The following KCNQ3 variants were observed in gnomAD, a reference collection of about 807,000 sequenced individuals.
KCNQ3 encodes potassium voltage-gated channel subfamily KQT member 3.
A neutral mutation model predicts 92.5 loss-of-function variants in KCNQ3; 30 were observed. The observed-to-expected ratio is 0.32, with a 90% CI of 0.24 to 0.44. The LOEUF (loss-of-function observed/expected upper bound fraction) is 0.44. Ranked by LOEUF, KCNQ3 falls within the 20% of genes least tolerant of loss-of-function variation. The pLI is 1.00. For synonymous variants in KCNQ3, 450 were observed against 468.8 expected (o/e 0.96, Z 0.52); for missense variants, 913 against 1,140.3 (o/e 0.80, Z 2.87).
chr8:132,277,986 A>T, intron 1 of KCNQ3: 4 of 985,378 alleles, frequency 4.1e-6, no homozygotes, highest in Non-Finnish European at 4.8e-6. Context: ...CCCACAGGAC[A>T]GAAGGGATCA....
intron 1 of KCNQ3, among the ~76,000 whole-genome samples, chr8:132,204,968 T>TC (rs1813610277): frequency 6.6e-6 from 1 of 152,166 alleles, no homozygotes; most frequent in African/African-American, 2.4e-5. Context: ...CTACAGAGCA[T>TC]CTTACATGCA....
chr8:132,134,640 T>G (rs1250659520), intron 12 of KCNQ3, among the ~76,000 whole-genome samples: 1 of 151,730 alleles, frequency 6.6e-6, no homozygotes, highest in African/African-American at 2.4e-5. Flanking sequence ...ACCTATAACC[T>G]CGGTATATTC....
At chr8:132,469,035 T>A (rs1441339826) in intron 1 of KCNQ3, among the ~76,000 whole-genome samples, 1 of 152,214 alleles carries the variant, frequency 6.6e-6, no homozygotes, top group Non-Finnish European at 1.5e-5. Flanking sequence ...TTGATGTGCA[T>A]CCTGTGACAT....
chr8:132,341,405 C>A (rs1818524777), intron 1 of KCNQ3, among the ~76,000 whole-genome samples: 1 of 152,196 alleles, frequency 6.6e-6, no homozygotes, highest in Non-Finnish European at 1.5e-5. Flanking sequence ...TCTGGGCCTT[C>A]TCCTCTTCAC....
At chr8:132,392,408 G>A (rs186304380) in intron 1 of KCNQ3, among the ~76,000 whole-genome samples, 134 of 151,710 alleles carry the variant, frequency 8.8e-4, no homozygotes, top group African/African-American at 3.0e-3. Flanking sequence ...AATCTTCCCC[G>A]GCCACACCAG....
At position 132,434,103 on chromosome 8, in the gene KCNQ3, G is replaced by A. The variant is rs1821322647; in HGVS notation, c.386+46044C>T. On this transcript the variant is annotated intron_variant, in intron 1 of 14. Coordinates refer to ENST00000388996, the MANE Select transcript of KCNQ3 (RefSeq NM_004519.4). ...GGCGCCTGTATTCCCAGCTACTTGG[G>A]AGGCTGAGGCAGGAGAATGGCGTGA... 2.7e-5 allele frequency among the ~76,000 whole-genome samples: 4 copies of A among 149,772 alleles called. No homozygotes were observed. In the South Asian group the frequency reaches 8.4e-4, roughly 31 times the overall value.
intron 3 of KCNQ3, 84 bp from the exon 4 acceptor site, chr8:132,180,413 G>T: frequency 1.4e-6 from 2 of 1,476,174 alleles, no homozygotes; most frequent in Non-Finnish European, 1.9e-6. Flanking sequence ...GGTGCTGTTT[G>T]CTGGCAGATC....
At chr8:132,386,575 T>C (rs776523579) in intron 1 of KCNQ3, among the ~76,000 whole-genome samples, 43 of 152,136 alleles carry the variant, frequency 2.8e-4, no homozygotes, top group Non-Finnish European at 5.3e-4. Context: ...TTAATCATCC[T>C]TTTAAACTAT....
At chr8:132,187,145 C>G (rs1826996600) in intron 1 of KCNQ3, 1 of 456,038 alleles carries the variant, frequency 2.2e-6, no homozygotes, top group Non-Finnish European at 4.4e-6. Context: ...AGTACATACT[C>G]TAAGCTCTCC....
intron 1 of KCNQ3, among the ~76,000 whole-genome samples, chr8:132,292,811 C>T (rs1446600535): frequency 6.6e-6 from 1 of 152,154 alleles, no homozygotes; most frequent in South Asian, 2.1e-4. Context: ...CTTCTTTCAC[C>T]TGCCCAGTGC....
chr8:132,203,154 C>T (rs1827513541), intron 1 of KCNQ3, among the ~76,000 whole-genome samples: 1 of 152,146 alleles, frequency 6.6e-6, no homozygotes, highest in South Asian at 2.1e-4. Context: ...ACAAACCCCT[C>T]CTGAGATAAG....
chr8:132,243,921 C>T (rs547484477), intron 1 of KCNQ3, among the ~76,000 whole-genome samples: 1 of 152,280 alleles, frequency 6.6e-6, no homozygotes, highest in Admixed American at 6.5e-5. Flanking sequence ...CATGTGTGCC[C>T]ATCCTTTACC....
chr8:132,451,144 G>A (rs1821810147), intron 1 of KCNQ3, among the ~76,000 whole-genome samples: 1 of 152,160 alleles, frequency 6.6e-6, no homozygotes, highest in African/African-American at 2.4e-5. Context: ...GCTTTCTCAT[G>A]ATAGTGAATC....
chr8:132,480,006 G>T, intron 1 of KCNQ3, 141 bp downstream of exon 1: 1 of 724,382 alleles, frequency 1.4e-6, no homozygotes, highest in Non-Finnish European at 2.3e-6. Context: ...AGGGAAACGC[G>T]TGCTGAGGAC....
At chr8:132,313,043 G>A (rs1817640994) in intron 1 of KCNQ3, among the ~76,000 whole-genome samples, 2 of 152,230 alleles carry the variant, frequency 1.3e-5, no homozygotes, top group African/African-American at 4.8e-5. Context: ...CCGGACGTCT[G>A]AGAGAAAGCT....
At chr8:132,292,132 T>C (rs879325937) in intron 1 of KCNQ3, among the ~76,000 whole-genome samples, 8 of 152,248 alleles carry the variant, frequency 5.3e-5, no homozygotes, top group Non-Finnish European at 1.2e-4. Context: ...AAGTGATACA[T>C]GCTAAAATAA....
chr8:132,415,821 A>G (rs1194759743), intron 1 of KCNQ3, among the ~76,000 whole-genome samples: 2 of 152,250 alleles, frequency 1.3e-5, no homozygotes, highest in Non-Finnish European at 2.9e-5. Flanking sequence ...CATATGCAGC[A>G]TATCTCTGGC....
chr8:132,243,849 T>G (rs183794692), intron 1 of KCNQ3, among the ~76,000 whole-genome samples: 5 of 152,356 alleles, frequency 3.3e-5, no homozygotes, highest in African/African-American at 1.2e-4. Flanking sequence ...TGCATACAGA[T>G]TCTAAGCTTT....
At chr8:132,402,234 C>T (rs1235660388) in intron 1 of KCNQ3, among the ~76,000 whole-genome samples, 1 of 152,294 alleles carries the variant, frequency 6.6e-6, no homozygotes, top group South Asian at 2.1e-4. Context: ...TGAGTGCCAA[C>T]TTCCTTCTTG....
Sources: gnomAD v4.1 joint callset for allele counts (sites outside exome capture counted in the v4.1 genomes callset) on GRCh38, gnomAD v4.1.1 for gene constraint, MANE v1.5 for transcripts, NCBI Gene and HGNC (gene_info 2026-07-23, HGNC 2026-07-21) for gene names.